The following MBOAT1 variants were observed in gnomAD, a reference collection of about 807,000 sequenced individuals.
MBOAT1 encodes membrane bound glycerophospholipid O-acyltransferase 1.
In MBOAT1, 67 loss-of-function variants were observed where a neutral mutation model predicts 64.4. That is an observed-to-expected ratio of 1.04 (90% confidence interval 0.85 to 1.27). MBOAT1 has a LOEUF of 1.27. MBOAT1 is among the 50% of genes most tolerant of loss of function. The pLI, the probability that MBOAT1 is intolerant of heterozygous loss-of-function variation, is 0.00. For missense variants in MBOAT1, 563 were observed against 604.6 expected, an observed-to-expected ratio of 0.93 and a Z score of 0.72; for synonymous variants, 229 against 218.9, an observed-to-expected ratio of 1.05 and a Z score of -0.41.
chr6:20,161,092 A>G (rs1188497529), intron 1 of MBOAT1, among the ~76,000 whole-genome samples: 1 of 152,136 alleles, frequency 6.6e-6, no homozygotes, highest in Non-Finnish European at 1.5e-5. Flanking sequence ...CTGTATTTAC[A>G]GTCACTCCTC....
Position 20,115,405 on chromosome 6 carries a change from TG to T in MBOAT1, c.1012-54del. 3 of 1,436,146 alleles carry T rather than the reference TG, an allele frequency of 2.1e-6. No homozygotes were observed. In the East Asian group the frequency reaches 6.8e-5, roughly 33 times the overall value. The allele number at this position is 1,436,146 out of a possible 1,614,324, so 89.0% of individuals were successfully genotyped here. A position where few individuals can be genotyped will look rare whatever the true frequency, so the allele number is the denominator to read the frequency against. ...TTAGCTTTAAAAATACCCGAAGTAA[TG>T]GAAAGTTCTCCCCAGTTTCCCTGGC... On this transcript the variant is annotated intron_variant, in intron 9 of 12. Coordinates refer to ENST00000324607, the MANE Select transcript of MBOAT1 (RefSeq NM_001080480.3).
At position 20,109,901 on chromosome 6, in the gene MBOAT1, AC is replaced by A. The variant is rs66480174; in HGVS notation, c.1210-153del. ...ATTTTCGACTACAAATACCATCAGG[AC>A]TTTTTTTTTTTTTTTTTTTTTTTTT... On this transcript the variant is annotated intron_variant, in intron 11 of 12. Coordinates refer to ENST00000324607, the MANE Select transcript of MBOAT1 (RefSeq NM_001080480.3). 1,024 of 299,746 alleles carry A rather than the reference AC, an allele frequency of 3.4e-3. 16 individuals carry two copies. The highest frequency in any genetic ancestry group is 0.014 in the South Asian group (182 of 13,328). 18.6% of individuals were successfully genotyped at this position (299,746 alleles called of 1,614,324 possible).
At chr6:20,108,305 GCTT>G (rs2113626387) in intron 12 of MBOAT1, among the ~76,000 whole-genome samples, 1 of 152,270 alleles carries the variant, frequency 6.6e-6, no homozygotes, top group South Asian at 2.1e-4. Flanking sequence ...TGAACTGAGG[GCTT>G]CTTTTTGGCT....
chr6:20,205,371 CCAGA>C (rs1763232777), intron 1 of MBOAT1, among the ~76,000 whole-genome samples: 1 of 152,172 alleles, frequency 6.6e-6, no homozygotes, highest in Non-Finnish European at 1.5e-5. Flanking sequence ...TGTCCTTAAG[CCAGA>C]CAGGTAAACT....
chr6:20,114,597 T>G (rs1025911090), intron 10 of MBOAT1, among the ~76,000 whole-genome samples: 20 of 152,042 alleles, frequency 1.3e-4, no homozygotes, highest in African/African-American at 4.6e-4. Context: ...AGAATCTAAT[T>G]CTGGGCTGGG....
intron 12 of MBOAT1, among the ~76,000 whole-genome samples, chr6:20,103,286 TG>T (rs1157084334): frequency 6.6e-6 from 1 of 152,172 alleles, no homozygotes; most frequent in Non-Finnish European, 1.5e-5. Flanking sequence ...CCTAGGCTGA[TG>T]GGTGTTTGTG....
rs925641953 is a variant in MBOAT1, at chr6:20,196,882, CA to C, written c.99+15253del. On this transcript the variant is annotated intron_variant, in intron 1 of 12. Transcript: ENST00000324607. Reference sequence around the variant, plus strand: ...CATCTCAAAAAAAAAAACAAACAAACAAAAAAAAAACTGAACTGTACACTTT... The same window carrying C: ...CATCTCAAAAAAAAAAACAAACAAACAAAAAAAAACTGAACTGTACACTTT... Among the ~76,000 whole-genome samples the C allele has an allele frequency of 2.7e-4, 40 of 146,092 alleles. 1 individual carries two copies. The highest frequency in any genetic ancestry group is 7.3e-4 in the African/African-American group (29 of 39,770).
intron 1 of MBOAT1, among the ~76,000 whole-genome samples, chr6:20,198,489 C>CCTAACTAGCATTT (rs1325089982): frequency 6.6e-6 from 1 of 152,180 alleles, no homozygotes; most frequent in Non-Finnish European, 1.5e-5. Flanking sequence ...TCTATCATTG[C>CCTAACTAGCATTT]CTAACTAGCA....
chr6:20,166,912 C>T (rs1373262012), intron 1 of MBOAT1, among the ~76,000 whole-genome samples: 5 of 151,138 alleles, frequency 3.3e-5, no homozygotes, highest in Non-Finnish European at 5.9e-5. Flanking sequence ...GCACTCCAGC[C>T]TGGGTGACAG....
chr6:20,165,068 T>G (rs1037920016), intron 1 of MBOAT1, among the ~76,000 whole-genome samples: 1 of 152,222 alleles, frequency 6.6e-6, no homozygotes, highest in African/African-American at 2.4e-5. Flanking sequence ...TATTTTCAAC[T>G]TAGAGTGGGT....
At chr6:20,125,960 G>T in intron 7 of MBOAT1, 1 of 384,820 alleles carries the variant, frequency 2.6e-6, no homozygotes, top group Non-Finnish European at 5.0e-6. Flanking sequence ...AAAGTTCAAT[G>T]AGTTATTCTA....
chr6:20,134,530 C>T (rs1460715080), intron 4 of MBOAT1, among the ~76,000 whole-genome samples: 2 of 152,062 alleles, frequency 1.3e-5, no homozygotes, highest in Non-Finnish European at 2.9e-5. Flanking sequence ...AATTCACATA[C>T]TCACATATGA....
intron 1 of MBOAT1, among the ~76,000 whole-genome samples, chr6:20,172,343 C>T (rs895901753): frequency 6.6e-6 from 1 of 152,120 alleles, no homozygotes. Flanking sequence ...GGATGAGACT[C>T]TCTTGAATCC....
chr6:20,152,392 A>AG (rs1554118924), intron 2 of MBOAT1, among the ~76,000 whole-genome samples: 2,407 of 145,496 alleles, frequency 0.017, 65 homozygotes, highest in African/African-American at 0.056. Flanking sequence ...TTAATTAAAA[A>AG]AAAGAAAAAG....
At chr6:20,119,193 A>C (rs766922486) in intron 8 of MBOAT1, among the ~76,000 whole-genome samples, 1 of 152,230 alleles carries the variant, frequency 6.6e-6, no homozygotes, top group Non-Finnish European at 1.5e-5. Flanking sequence ...AATGGAGGCC[A>C]CATGTGGATA....
intron 4 of MBOAT1, among the ~76,000 whole-genome samples, chr6:20,137,723 C>T (rs867655724): frequency 1.5e-5 from 2 of 130,614 alleles, no homozygotes; most frequent in Non-Finnish European, 3.4e-5. Flanking sequence ...ATTAAACACA[C>T]ACACACACAC....
At position 20,146,978 on chromosome 6, in the gene MBOAT1, G is replaced by A. The variant is rs141732547; in HGVS notation, c.324-2663C>T. On this transcript the variant is annotated intron_variant, in intron 3 of 12. Transcript: ENST00000324607. The stretch of plus-strand genomic sequence containing the variant: ...ACGTGTTGTGGGAGGGACCCAGTGG[G>A]AGGTAATTGAATCATGGGGGCGAGT... 4.7e-3 allele frequency among the ~76,000 whole-genome samples: 715 copies of A among 152,296 alleles called. 4 individuals are homozygous for A. The highest frequency in any genetic ancestry group is 0.016 in the African/African-American group (678 of 41,574).
At chr6:20,137,958 T>C (rs187159557) in intron 4 of MBOAT1, among the ~76,000 whole-genome samples, 1 of 152,340 alleles carries the variant, frequency 6.6e-6, no homozygotes, top group Non-Finnish European at 1.5e-5. Flanking sequence ...TCAACTGCAA[T>C]AGTAGGGTTA....
intron 3 of MBOAT1, among the ~76,000 whole-genome samples, chr6:20,148,671 T>C (rs1761400249): frequency 2.6e-5 from 4 of 152,200 alleles, no homozygotes; most frequent in African/African-American, 7.2e-5. Flanking sequence ...GGATCTTGAT[T>C]TCCTGACTCC....
Sources: allele counts gnomAD v4.1 joint callset (sites outside exome capture counted in the v4.1 genomes callset), GRCh38; gene constraint gnomAD v4.1.1; transcripts MANE v1.5; gene names NCBI Gene and HGNC (gene_info 2026-07-23, HGNC 2026-07-21).